Variants in KIAA1217 observed in about 807,000 individuals in gnomAD.
KIAA1217 encodes KIAA1217.
KIAA1217 carries 88 observed loss-of-function variants against 163.9 expected under a neutral mutation model. The ratio of observed to expected loss-of-function variants is 0.54; its 90% CI spans 0.45 to 0.64. The LOEUF (loss-of-function observed/expected upper bound fraction) is 0.64, where lower values mean the gene tolerates loss of function less well. Among genes scored for constraint, KIAA1217 ranks in the 30% least tolerant of loss-of-function variants. The pLI is 0.00. For synonymous variants in KIAA1217, 903 were observed against 923.1 expected, an observed-to-expected ratio of 0.98 and a Z score of 0.39; for missense variants, 2,372 against 2,475.0, an observed-to-expected ratio of 0.96 and a Z score of 0.88.
chr10:24,376,956 A>G (rs934704997), intron 2 of KIAA1217, among the ~76,000 whole-genome samples: 2 of 152,292 alleles, frequency 1.3e-5, no homozygotes, highest in African/African-American at 4.8e-5. Context: ...CAGTTACTTG[A>G]TACAGAGCAG....
chr10:24,383,333 C>T (rs968481580), intron 3 of KIAA1217, among the ~76,000 whole-genome samples: 3 of 152,158 alleles, frequency 2.0e-5, no homozygotes, highest in African/African-American at 7.2e-5. Context: ...TTGACTCTGT[C>T]GGATAATGGA....
At chr10:24,176,023 C>T (rs754633958) in intron 2 of KIAA1217, among the ~76,000 whole-genome samples, 1 of 152,198 alleles carries the variant, frequency 6.6e-6, no homozygotes, top group Non-Finnish European at 1.5e-5. Context: ...CTGCTGCTGG[C>T]TCTGGCAACC....
At chr10:23,883,059 C>T (rs955116615) in intron 1 of KIAA1217, among the ~76,000 whole-genome samples, 3 of 151,718 alleles carry the variant, frequency 2.0e-5, no homozygotes, top group Admixed American at 1.3e-4. Context: ...CTTCATGCAC[C>T]ATTTGTTAAA....
intron 2 of KIAA1217, among the ~76,000 whole-genome samples, chr10:24,309,350 G>GCACACACACA (rs760597469): frequency 7.6e-6 from 1 of 132,284 alleles, no homozygotes; most frequent in South Asian, 2.3e-4. Flanking sequence ...ACGCGCGCGC[G>GCACACACACA]CACACACACA....
intron 2 of KIAA1217, among the ~76,000 whole-genome samples, chr10:24,301,088 C>G (rs2041267942): frequency 6.6e-6 from 1 of 152,180 alleles, no homozygotes; most frequent in Admixed American, 6.5e-5. Flanking sequence ...GCTGGGATTA[C>G]AGGTGTGAGC....
chr10:24,532,315 TG>T (rs1363143033), intron 15 of KIAA1217, among the ~76,000 whole-genome samples: 1 of 152,228 alleles, frequency 6.6e-6, no homozygotes, highest in Non-Finnish European at 1.5e-5. Context: ...CAAAGGTAAC[TG>T]AGGTGAGCTG....
rs142976869 is a variant in KIAA1217, at chr10:23,831,745, A to G, written c.-321+136511A>G. 1.1e-3 allele frequency among the ~76,000 whole-genome samples: 172 copies of G among 152,306 alleles called. 1 individual carries two copies. In the East Asian group the frequency reaches 0.029, roughly 25 times the overall value. On this transcript the variant is annotated intron_variant, in intron 1 of 18. Transcript: ENST00000376462. ...TGTGGTTATATTTATAATAATATCC[A>G]GGTGATATGTATAAATGTCTACCTT...
At chr10:24,185,795 C>CA (rs552152426) in intron 2 of KIAA1217, among the ~76,000 whole-genome samples, 3,007 of 145,178 alleles carry the variant, frequency 0.021, 39 homozygotes, top group South Asian at 0.059. Flanking sequence ...AATTCCGTCT[C>CA]AAAAAAAAAA....
intron 2 of KIAA1217, among the ~76,000 whole-genome samples, chr10:24,275,079 A>T: frequency 6.6e-6 from 1 of 152,166 alleles, no homozygotes; most frequent in African/African-American, 2.4e-5. Context: ...CTGGGACTAC[A>T]GGCACACGCC....
chr10:24,423,743 C>G lies in KIAA1217; in HGVS notation c.554-9252C>G, dbSNP rs547960536. 2.0e-5 allele frequency among the ~76,000 whole-genome samples: 3 copies of G among 152,288 alleles called. No individual in the cohort carries two copies. In the East Asian group the frequency reaches 5.8e-4, roughly 29 times the overall value. The stretch of plus-strand genomic sequence containing the variant: ...TAGAAATAGGGTTTCACCGTGTTGC[C>G]CAGGTTGGTCTCAAATTCCTAACCT... On this transcript the variant is annotated intron_variant, in intron 3 of 20. Transcript: ENST00000376454.
intron 1 of KIAA1217, among the ~76,000 whole-genome samples, chr10:23,810,961 A>G (rs1352954471): frequency 3.4e-5 from 4 of 118,488 alleles, no homozygotes; most frequent in Admixed American, 9.5e-5. Context: ...TATAATATAT[A>G]TAGTATATAT....
intron 1 of KIAA1217, among the ~76,000 whole-genome samples, chr10:23,988,708 CTATT>C (rs1421515180): frequency 6.6e-6 from 1 of 152,128 alleles, no homozygotes; most frequent in Non-Finnish European, 1.5e-5. Flanking sequence ...CAGTGTCAGC[CTATT>C]TACTTACATT....
At chr10:24,432,060 A>C (rs1318164252) in intron 3 of KIAA1217, among the ~76,000 whole-genome samples, 2 of 152,146 alleles carry the variant, frequency 1.3e-5, no homozygotes, top group Admixed American at 1.3e-4. Context: ...ACATGAAAAA[A>C]AATCACTCTA....
At chr10:24,142,072 GT>G (rs150863121) in intron 2 of KIAA1217, among the ~76,000 whole-genome samples, 28 of 148,428 alleles carry the variant, frequency 1.9e-4, no homozygotes, top group Middle Eastern at 3.5e-3. Context: ...AGATTTTTTT[GT>G]TTTTTTTTTC....
chr10:24,542,414 C>T (rs1439207295), intron 17 of KIAA1217: 1 of 784,690 alleles, frequency 1.3e-6, no homozygotes, highest in Admixed American at 3.3e-5. Flanking sequence ...TTAGTAATGA[C>T]TCTGTCCCTT....
chr10:23,840,317 A>G (rs1051597075), intron 1 of KIAA1217, among the ~76,000 whole-genome samples: 1 of 151,930 alleles, frequency 6.6e-6, no homozygotes, highest in Non-Finnish European at 1.5e-5. Flanking sequence ...CACCAAACCC[A>G]GCTAATTCTT....
chr10:23,841,614 GA>G (rs1307685917), intron 1 of KIAA1217, among the ~76,000 whole-genome samples: 1 of 151,428 alleles, frequency 6.6e-6, no homozygotes, highest in Non-Finnish European at 1.5e-5. Flanking sequence ...ATTTGTAACA[GA>G]AAACCCAACA....
chr10:24,027,557 T>C lies in KIAA1217; in HGVS notation c.-171+20183T>C, dbSNP rs148448085. On this transcript the variant is annotated intron_variant, in intron 2 of 18. Transcript: ENST00000376462. Reference sequence around the variant, plus strand: ...CATTTACAGTTGCTGAAACAATATATCTAGGAACATATTTAACAAAGGATA... The same window carrying C: ...CATTTACAGTTGCTGAAACAATATACCTAGGAACATATTTAACAAAGGATA... Among the ~76,000 whole-genome samples, 26 of 152,178 alleles carry C rather than the reference T, an allele frequency of 1.7e-4. No individual in the cohort carries two copies. In the East Asian group the frequency reaches 4.3e-3, roughly 25 times the overall value.
intron 1 of KIAA1217, among the ~76,000 whole-genome samples, chr10:23,943,923 T>C (rs1480559785): frequency 1.3e-5 from 2 of 152,184 alleles, no homozygotes; most frequent in African/African-American, 4.8e-5. Context: ...ATCCCTCACA[T>C]ACAAATTAAT....
Sources: allele counts gnomAD v4.1 joint callset (sites outside exome capture counted in the v4.1 genomes callset), GRCh38; gene constraint gnomAD v4.1.1; transcripts MANE v1.5; gene names NCBI Gene and HGNC (gene_info 2026-07-23, HGNC 2026-07-21).